Variants in UNC5C observed in about 807,000 individuals in gnomAD.
UNC5C encodes netrin receptor UNC5C.
In UNC5C, 47 loss-of-function variants were observed where a neutral mutation model predicts 99.8. That is an observed-to-expected ratio of 0.47 (90% confidence interval 0.37 to 0.60). The LOEUF is 0.60. UNC5C is among the 20% of genes least tolerant of loss of function. The pLI is 0.00. For synonymous variants in UNC5C, 487 were observed against 452.2 expected (o/e 1.08, Z -0.98); for missense variants, 1,062 against 1,165.9 (o/e 0.91, Z 1.30).
intron 1 of UNC5C, among the ~76,000 whole-genome samples, chr4:95,338,515 T>C (rs1743433096): frequency 6.6e-6 from 1 of 152,096 alleles, no homozygotes; most frequent in African/African-American, 2.4e-5. Flanking sequence ...CTCTGTGTAA[T>C]GCATTTGCCA....
chr4:95,465,403 G>T (rs1326633747), intron 1 of UNC5C, among the ~76,000 whole-genome samples: 1 of 152,136 alleles, frequency 6.6e-6, no homozygotes, highest in Admixed American at 6.5e-5. Context: ...GTAAGGGGAG[G>T]TTAGAATATG....
intron 7 of UNC5C, among the ~76,000 whole-genome samples, chr4:95,236,918 C>T (rs1042640981): frequency 1.3e-5 from 2 of 152,136 alleles, no homozygotes; most frequent in Admixed American, 6.5e-5. Flanking sequence ...AGCTGCTCCT[C>T]AGTATCCAAG....
intron 1 of UNC5C, among the ~76,000 whole-genome samples, chr4:95,471,535 G>GA (rs1364000294): frequency 6.6e-6 from 1 of 152,042 alleles, no homozygotes; most frequent in Admixed American, 6.6e-5. Flanking sequence ...GGACCCCCCT[G>GA]ACATGCAGTT....
At chr4:95,253,084 A>T (rs1347427456) in intron 4 of UNC5C, among the ~76,000 whole-genome samples, 2 of 152,132 alleles carry the variant, frequency 1.3e-5, no homozygotes, top group African/African-American at 4.8e-5. Context: ...CATTCTGTAT[A>T]AGGAACATTC....
chr4:95,267,949 A>ATTTTTTTTTTTTT (rs869293955), intron 4 of UNC5C, among the ~76,000 whole-genome samples: 46 of 117,560 alleles, frequency 3.9e-4, no homozygotes, highest in African/African-American at 9.3e-4. Flanking sequence ...GAATTTTGTG[A>ATTTTTTTTTTTTT]TTTTTTTTTT....
At chr4:95,349,887 T>G (rs1302196572) in intron 1 of UNC5C, among the ~76,000 whole-genome samples, 1 of 152,166 alleles carries the variant, frequency 6.6e-6, no homozygotes. Context: ...TTCTCAAATT[T>G]GGCTTAGAAA....
At chr4:95,176,465 A>G (rs1482637846) in intron 14 of UNC5C, among the ~76,000 whole-genome samples, 3 of 152,152 alleles carry the variant, frequency 2.0e-5, no homozygotes, top group Admixed American at 1.3e-4. Flanking sequence ...TCTAACAGAC[A>G]GGACCCTCAG....
At chr4:95,315,131 A>T (rs773076723) in intron 2 of UNC5C, among the ~76,000 whole-genome samples, 1 of 152,098 alleles carries the variant, frequency 6.6e-6, no homozygotes, top group Non-Finnish European at 1.5e-5. Flanking sequence ...CTTTATAAGT[A>T]TTTTTTTCAT....
intron 1 of UNC5C, among the ~76,000 whole-genome samples, chr4:95,481,155 G>A (rs1275845688): frequency 6.6e-6 from 1 of 151,910 alleles, no homozygotes; most frequent in East Asian, 1.9e-4. Context: ...AGAAACTTCA[G>A]CAAAGTCTCA....
At chr4:95,210,545 C>T (rs1405261108) in intron 10 of UNC5C, among the ~76,000 whole-genome samples, 1 of 152,066 alleles carries the variant, frequency 6.6e-6, no homozygotes, top group Non-Finnish European at 1.5e-5. Context: ...AAGGACTTCT[C>T]TATGTCTCAT....
chr4:95,197,370 A>G (rs943800812), intron 12 of UNC5C, among the ~76,000 whole-genome samples: 1 of 152,010 alleles, frequency 6.6e-6, no homozygotes, highest in Non-Finnish European at 1.5e-5. Context: ...AATCCCCAGC[A>G]CATAGCAGTT....
At chr4:95,475,761 C>T (rs1028035919) in intron 1 of UNC5C, among the ~76,000 whole-genome samples, 5 of 152,060 alleles carry the variant, frequency 3.3e-5, no homozygotes, top group Admixed American at 3.3e-4. Flanking sequence ...GTCAGCTTTT[C>T]CTATCTTTTA....
chr4:95,394,652 T>TGTGTGG (rs1491451044), intron 1 of UNC5C, among the ~76,000 whole-genome samples: 2 of 40,874 alleles, frequency 4.9e-5, no homozygotes, highest in Non-Finnish European at 9.8e-5. Context: ...AGGTATTTGC[T>TGTGTGG]GTGTGTGTGT....
At chr4:95,310,091 G>A (rs746492986) in intron 2 of UNC5C, among the ~76,000 whole-genome samples, 6 of 152,026 alleles carry the variant, frequency 3.9e-5, no homozygotes, top group South Asian at 2.1e-4. Flanking sequence ...TATACACAGG[G>A]GAAAACGTTC....
At chr4:95,189,894 A>G (rs1056390566) in intron 12 of UNC5C, among the ~76,000 whole-genome samples, 5 of 152,166 alleles carry the variant, frequency 3.3e-5, no homozygotes, top group Admixed American at 6.5e-5. Context: ...CTGTTGGTGG[A>G]ACTGTAAACT....
chr4:95,501,160 C>T (rs1165013047), intron 1 of UNC5C, among the ~76,000 whole-genome samples: 1 of 152,020 alleles, frequency 6.6e-6, no homozygotes, highest in African/African-American at 2.4e-5. Context: ...TTGGAAGGTG[C>T]TTTATAGACG....
At chr4:95,283,553 C>G (rs1187090352) in intron 3 of UNC5C, among the ~76,000 whole-genome samples, 1 of 152,214 alleles carries the variant, frequency 6.6e-6, no homozygotes. Context: ...AGATTTTAAG[C>G]ATATCTTTTA....
At chr4:95,482,624 G>T (rs1214197997) in intron 1 of UNC5C, among the ~76,000 whole-genome samples, 1 of 146,016 alleles carries the variant, frequency 6.8e-6, no homozygotes, top group Non-Finnish European at 1.5e-5. Flanking sequence ...GTCCAACAAT[G>T]ATAGACTGGA....
intron 1 of UNC5C, among the ~76,000 whole-genome samples, chr4:95,354,894 A>G (rs905868672): frequency 4.6e-5 from 7 of 152,118 alleles, no homozygotes; most frequent in East Asian, 1.9e-4. Flanking sequence ...AGGGGCTTAT[A>G]TCTATTTCTA....
Sources: gnomAD v4.1 joint callset for allele counts (sites outside exome capture counted in the v4.1 genomes callset) on GRCh38, gnomAD v4.1.1 for gene constraint, MANE v1.5 for transcripts, NCBI Gene and HGNC (gene_info 2026-07-23, HGNC 2026-07-21) for gene names.